The following L3MBTL4 variants were observed in gnomAD, a reference collection of about 807,000 sequenced individuals.
The protein encoded by L3MBTL4 is lethal(3)malignant brain tumor-like protein 4.
In L3MBTL4, 70 loss-of-function variants were observed where a neutral mutation model predicts 84.5. The ratio of observed to expected loss-of-function variants is 0.83; its 90% confidence interval spans 0.68 to 1.01. The LOEUF is 1.01. Ranked by LOEUF, L3MBTL4 falls within the 50% of genes least tolerant of loss-of-function variation. L3MBTL4 has a pLI of 0.00. For missense variants in L3MBTL4, 715 were observed against 754.8 expected, an observed-to-expected ratio of 0.95 and a Z score of 0.62; for synonymous variants, 274 against 259.8, an observed-to-expected ratio of 1.05 and a Z score of -0.52.
intron 5 of L3MBTL4, among the ~76,000 whole-genome samples, chr18:6,258,464 T>A (rs1392863780): frequency 1.3e-5 from 2 of 152,084 alleles, no homozygotes; most frequent in African/African-American, 4.8e-5. Flanking sequence ...GGACTGAAGA[T>A]CCTGGCAAGA....
rs915771082 is a variant in L3MBTL4, at chr18:6,029,993, A to G, written c.1444+50888T>C. 23 of 985,340 alleles carry G rather than the reference A, an allele frequency of 2.3e-5. No homozygotes were observed. The African/African-American group carries it at 2.4e-4, about 10-fold the overall frequency. The allele number at this position is 985,340 out of a possible 1,614,324, so 61.0% of individuals were successfully genotyped here. A position where few individuals can be genotyped will look rare whatever the true frequency, so the allele number is the denominator to read the frequency against. ...GCCTCCTTTACACAGCAACATGAAA[A>G]CCATCCAGATGGCCATGGGCAGGGA... On this transcript the variant is annotated intron_variant, in intron 16 of 18. Transcript: ENST00000317931.
At chr18:6,045,804 G>A (rs185633289) in intron 16 of L3MBTL4, among the ~76,000 whole-genome samples, 1 of 152,232 alleles carries the variant, frequency 6.6e-6, no homozygotes, top group East Asian at 1.9e-4. Context: ...ATAGCCCATA[G>A]ACCCTAAAAA....
chr18:5,972,559 G>A (rs995404778), intron 16 of L3MBTL4, among the ~76,000 whole-genome samples: 13 of 152,310 alleles, frequency 8.5e-5, no homozygotes, highest in Middle Eastern at 3.4e-3. Flanking sequence ...AAGGGAAGCG[G>A]CCTGATTCTA....
At chr18:6,178,080 G>C (rs1264024906) in intron 12 of L3MBTL4, among the ~76,000 whole-genome samples, 1 of 151,828 alleles carries the variant, frequency 6.6e-6, no homozygotes, top group Non-Finnish European at 1.5e-5. Flanking sequence ...TGCAGAATTA[G>C]GTCTCAACTG....
chr18:6,286,326 T>C (rs2049586931), intron 4 of L3MBTL4, among the ~76,000 whole-genome samples: 1 of 151,666 alleles, frequency 6.6e-6, no homozygotes, highest in Non-Finnish European at 1.5e-5. Context: ...TAGCTGGGCA[T>C]GGTGGCATGC....
intron 16 of L3MBTL4, among the ~76,000 whole-genome samples, chr18:6,050,786 G>T (rs1166304242): frequency 1.3e-5 from 2 of 152,104 alleles, no homozygotes; most frequent in Non-Finnish European, 2.9e-5. Flanking sequence ...CTAAGGGGGG[G>T]AATTTTTTAT....
At chr18:6,200,705 T>C (rs940956724) in intron 12 of L3MBTL4, among the ~76,000 whole-genome samples, 4 of 152,244 alleles carry the variant, frequency 2.6e-5, no homozygotes, top group Non-Finnish European at 5.9e-5. Flanking sequence ...TATAAAATAA[T>C]ACATGATTTA....
intron 4 of L3MBTL4, among the ~76,000 whole-genome samples, chr18:6,294,335 A>G (rs140112691): frequency 1.9e-3 from 283 of 152,372 alleles, no homozygotes; most frequent in African/African-American, 6.5e-3. Context: ...ATGTCAGCAA[A>G]TAAGCTCATG....
intron 1 of L3MBTL4, among the ~76,000 whole-genome samples, chr18:6,386,500 G>A (rs377219457): frequency 7.2e-5 from 11 of 152,340 alleles, no homozygotes; most frequent in African/African-American, 2.6e-4. Context: ...CAAAGTTCCA[G>A]TCTTCACAGA....
chr18:6,200,854 T>C (rs529958087), intron 12 of L3MBTL4, among the ~76,000 whole-genome samples: 5 of 152,368 alleles, frequency 3.3e-5, no homozygotes, highest in African/African-American at 2.4e-5. Context: ...TTAAGAAATA[T>C]GTAGGGAGTG....
At chr18:6,389,139 C>A (rs937380816) in intron 1 of L3MBTL4, among the ~76,000 whole-genome samples, 5 of 152,144 alleles carry the variant, frequency 3.3e-5, no homozygotes, top group African/African-American at 1.2e-4. Flanking sequence ...GGGGTCCTAC[C>A]TTTACCCTCA....
intron 3 of L3MBTL4, among the ~76,000 whole-genome samples, chr18:6,304,517 C>A (rs951286533): frequency 3.9e-5 from 6 of 152,180 alleles, no homozygotes; most frequent in Non-Finnish European, 7.3e-5. Flanking sequence ...TAGGGTAGAG[C>A]CTTAGATTAC....
At chr18:6,378,386 C>A (rs2054459317) in intron 1 of L3MBTL4, among the ~76,000 whole-genome samples, 1 of 152,190 alleles carries the variant, frequency 6.6e-6, no homozygotes, top group Admixed American at 6.5e-5. Flanking sequence ...GACATGAAGT[C>A]TTTGCCCATG....
chr18:6,199,261 T>C (rs1191646481), intron 12 of L3MBTL4, among the ~76,000 whole-genome samples: 1 of 152,218 alleles, frequency 6.6e-6, no homozygotes, highest in Non-Finnish European at 1.5e-5. Flanking sequence ...CCACTATTTC[T>C]ACTTGCAACT....
At chr18:6,338,211 CGGA>C (rs1568515771) in intron 1 of L3MBTL4, among the ~76,000 whole-genome samples, 1 of 149,724 alleles carries the variant, frequency 6.7e-6, no homozygotes, top group Non-Finnish European at 1.5e-5. Context: ...AGAAGAAAAG[CGGA>C]GGAGGAGAAG....
At chr18:6,134,792 C>T (rs2059982592) in intron 14 of L3MBTL4, among the ~76,000 whole-genome samples, 1 of 152,150 alleles carries the variant, frequency 6.6e-6, no homozygotes, top group African/African-American at 2.4e-5. Context: ...GTGTTGAGTG[C>T]CTGCAGCCTT....
At chr18:5,988,611 A>G (rs1001549437) in intron 16 of L3MBTL4, among the ~76,000 whole-genome samples, 3 of 152,192 alleles carry the variant, frequency 2.0e-5, no homozygotes, top group East Asian at 1.9e-4. Flanking sequence ...TACATCTTCA[A>G]TCATCAATGT....
chr18:6,298,942 T>C (rs546964716), intron 4 of L3MBTL4, among the ~76,000 whole-genome samples: 18 of 152,142 alleles, frequency 1.2e-4, no homozygotes, highest in Non-Finnish European at 2.2e-4. Flanking sequence ...ATACTAATAC[T>C]GTGTTAGTTA....
intron 1 of L3MBTL4, among the ~76,000 whole-genome samples, chr18:6,356,102 C>T (rs1405248296): frequency 6.6e-6 from 1 of 152,180 alleles, no homozygotes; most frequent in East Asian, 1.9e-4. Context: ...TAATACAAGT[C>T]CTATGAGTCA....
Sources: gnomAD v4.1 joint callset for allele counts (sites outside exome capture counted in the v4.1 genomes callset) on GRCh38, gnomAD v4.1.1 for gene constraint, MANE v1.5 for transcripts, NCBI Gene and HGNC (gene_info 2026-07-23, HGNC 2026-07-21) for gene names.